Variants in NRG3 observed in about 807,000 individuals in gnomAD.
The protein encoded by NRG3 is pro-neuregulin-3, membrane-bound isoform.
A neutral mutation model predicts 66.9 loss-of-function variants in NRG3; 31 were observed. The observed-to-expected ratio is 0.46, with a 90% CI of 0.35 to 0.63. The LOEUF is 0.63. NRG3 is among the 20% of genes least tolerant of loss of function. The pLI is 0.00. For missense variants in NRG3, 910 were observed against 878.9 expected, an observed-to-expected ratio of 1.04 and a Z score of -0.45; for synonymous variants, 393 against 359.4, an observed-to-expected ratio of 1.09 and a Z score of -1.06.
intron 2 of NRG3, among the ~76,000 whole-genome samples, chr10:82,634,842 A>G (rs2050078165): frequency 6.6e-6 from 1 of 152,176 alleles, no homozygotes; most frequent in African/African-American, 2.4e-5. Context: ...ATAATGTTAC[A>G]TTGTTATAAA....
rs2134276139 is a variant in NRG3, at chr10:82,268,004, G to A, written c.824-90735G>A. 2.0e-5 allele frequency among the ~76,000 whole-genome samples: 3 copies of A among 152,188 alleles called. No homozygotes were observed. In the Middle Eastern group the frequency reaches 0.01, roughly 518 times the overall value. On this transcript the variant is annotated intron_variant, in intron 1 of 8. Transcript: ENST00000372141. ...TAAAACGCAATTTTGGAGAAAAGAT[G>A]TAGTATGATAGCTAAAACTGTTACA...
intron 1 of NRG3, among the ~76,000 whole-genome samples, chr10:82,023,722 A>G (rs545085520): frequency 2.2e-4 from 34 of 151,786 alleles, no homozygotes; most frequent in African/African-American, 7.5e-4. Flanking sequence ...TGGCAAGTCA[A>G]TTTTTTTAAC....
intron 1 of NRG3, among the ~76,000 whole-genome samples, chr10:82,059,650 C>G (rs11192348): frequency 0.25 from 37,349 of 152,074 alleles, 4,720 homozygotes; most frequent in Middle Eastern, 0.33. Context: ...TCAAATCATT[C>G]TTACTTATGA....
chr10:82,185,883 C>T lies in NRG3; in HGVS notation c.824-172856C>T, dbSNP rs201177529. Among the ~76,000 whole-genome samples, 3 of 152,132 alleles carry T rather than the reference C, an allele frequency of 2.0e-5. No individual in the cohort carries two copies. The East Asian group carries it at 5.8e-4, about 29-fold the overall frequency. On this transcript the variant is annotated intron_variant, in intron 1 of 8. Transcript: ENST00000372141. ...GTTTATCATTCAATCTAAAGAGTTTCGTGTAGTATATCACCCACTATTATC... is the reference window on the plus strand; with the variant it reads ...GTTTATCATTCAATCTAAAGAGTTTTGTGTAGTATATCACCCACTATTATC...
intron 1 of NRG3, among the ~76,000 whole-genome samples, chr10:82,258,685 A>T (rs1307071295): frequency 6.6e-6 from 1 of 152,212 alleles, no homozygotes; most frequent in Non-Finnish European, 1.5e-5. Context: ...GCAGTGTGTT[A>T]AGGATATGTT....
Position 82,359,808 on chromosome 10 carries a change from A to G in NRG3, c.953+940A>G, listed in dbSNP as rs555825428. Among the ~76,000 whole-genome samples, 18 of 152,220 alleles carry G rather than the reference A, an allele frequency of 1.2e-4. No homozygotes were observed. The South Asian group carries it at 3.5e-3, about 30-fold the overall frequency. On this transcript the variant is annotated intron_variant, in intron 2 of 8. Coordinates refer to ENST00000372141, the MANE Select transcript of NRG3 (RefSeq NM_001010848.4). ...GCATGGAAAATTATGACTTTTTTCT[A>G]TTACTATTATAAAACTCTATTCCCA...
chr10:82,586,923 A>G (rs2133268622), intron 2 of NRG3, among the ~76,000 whole-genome samples: 1 of 152,268 alleles, frequency 6.6e-6, no homozygotes, highest in African/African-American at 2.4e-5. Flanking sequence ...TTTTCATGCT[A>G]AAAAATCATG....
At chr10:82,514,179 T>A (rs1845446985) in intron 2 of NRG3, among the ~76,000 whole-genome samples, 1 of 152,192 alleles carries the variant, frequency 6.6e-6, no homozygotes, top group Non-Finnish European at 1.5e-5. Flanking sequence ...CTGTGCAGAA[T>A]CTCTTTAGTT....
At chr10:82,568,346 G>C (rs963432844) in intron 2 of NRG3, among the ~76,000 whole-genome samples, 2 of 151,896 alleles carry the variant, frequency 1.3e-5, no homozygotes, top group African/African-American at 4.8e-5. Context: ...AGTTAACTCT[G>C]TGAAAACACT....
At chr10:81,952,752 C>G (rs1849493802) in intron 1 of NRG3, among the ~76,000 whole-genome samples, 1 of 151,954 alleles carries the variant, frequency 6.6e-6, no homozygotes, top group African/African-American at 2.4e-5. Context: ...TAAAGGTGTG[C>G]ATACCCTGCC....
chr10:82,115,531 A>G (rs2067654183), intron 1 of NRG3, among the ~76,000 whole-genome samples: 1 of 152,104 alleles, frequency 6.6e-6, no homozygotes, highest in African/African-American at 2.4e-5. Context: ...CCATCATTCC[A>G]GCTCCTGTGA....
intron 1 of NRG3, among the ~76,000 whole-genome samples, chr10:82,122,415 A>G (rs909633924): frequency 2.0e-5 from 3 of 152,078 alleles, no homozygotes; most frequent in Admixed American, 6.6e-5. Context: ...TCGGACTGGT[A>G]TGTTAGTGTG....
chr10:81,955,165 A>G (rs537799259), intron 1 of NRG3, among the ~76,000 whole-genome samples: 35 of 148,020 alleles, frequency 2.4e-4, no homozygotes, highest in South Asian at 1.3e-3. Context: ...TATATAATAT[A>G]TATAATACTA....
rs550895358 is a variant in NRG3 at position 82,959,226 on chromosome 10, A to G, written c.1284+151A>G. 5.0e-5 allele frequency: 35 copies of G among 696,804 alleles called. No individual in the cohort carries two copies. In the African/African-American group the frequency reaches 5.1e-4, roughly 10 times the overall value. 43.2% of individuals were successfully genotyped at this position (696,804 alleles called of 1,614,324 possible). A position where few individuals can be genotyped will look rare whatever the true frequency, so the allele number is the denominator to read the frequency against. On this transcript the variant is annotated intron_variant, in intron 6 of 8. Coordinates refer to ENST00000372141, the MANE Select transcript of NRG3 (RefSeq NM_001010848.4). ...TTTTAACAGTTCTGGGCTGGGACGT[A>G]TGCACACATGCATGTATGTATGCAT... is the stretch of plus-strand genomic sequence containing the variant.
Position 82,038,080 on chromosome 10 carries a change from C to T in NRG3, c.823+161917C>T, listed in dbSNP as rs79182066. On this transcript the variant is annotated intron_variant, in intron 1 of 8. Coordinates refer to ENST00000372141, the MANE Select transcript of NRG3 (RefSeq NM_001010848.4). ...CTACACCCAGTAAAAATCTTAAAATCTTGCTTTTGTTCATTATGGGATACC... is the reference window on the plus strand; with the variant it reads ...CTACACCCAGTAAAAATCTTAAAATTTTGCTTTTGTTCATTATGGGATACC... Among the ~76,000 whole-genome samples the T allele has an allele frequency of 9.1e-3, 1,389 of 152,088 alleles. 23 individuals carry two copies. Among genetic ancestry groups the T allele is most frequent in the African/African-American group, 0.032 (1,313 of 41,498 alleles).
At chr10:82,915,844 G>A (rs188802691) in intron 4 of NRG3, among the ~76,000 whole-genome samples, 1 of 152,200 alleles carries the variant, frequency 6.6e-6, no homozygotes, top group African/African-American at 2.4e-5. Flanking sequence ...ATATATACAT[G>A]CATTTTCAGT....
At chr10:82,528,838 C>T (rs1846977676) in intron 2 of NRG3, among the ~76,000 whole-genome samples, 1 of 152,080 alleles carries the variant, frequency 6.6e-6, no homozygotes, top group African/African-American at 2.4e-5. Context: ...TCATCATCAT[C>T]ATGTATATTT....
At chr10:82,678,051 T>C (rs2053843776) in intron 2 of NRG3, among the ~76,000 whole-genome samples, 1 of 152,180 alleles carries the variant, frequency 6.6e-6, no homozygotes, top group African/African-American at 2.4e-5. Flanking sequence ...GAAGGACATA[T>C]ACCAGTTAAA....
intron 2 of NRG3, among the ~76,000 whole-genome samples, chr10:82,679,026 TTGTTTTGTGATGTTGAC>T (rs1286727811): frequency 1.3e-5 from 2 of 152,228 alleles, no homozygotes; most frequent in East Asian, 3.8e-4. Context: ...TTTTTATGCT[TTGTTTTGTGATGTTGAC>T]TGGGCTGTAT....
Sources: gnomAD v4.1 joint callset for allele counts (sites outside exome capture counted in the v4.1 genomes callset) on GRCh38, gnomAD v4.1.1 for gene constraint, MANE v1.5 for transcripts, NCBI Gene and HGNC (gene_info 2026-07-23, HGNC 2026-07-21) for gene names.